The following NELL1 variants were observed in gnomAD, a reference collection of about 807,000 sequenced individuals.
The protein encoded by NELL1 is protein kinase C-binding protein NELL1.
Under a neutral mutation model 107.4 loss-of-function variants are expected in NELL1, and 76 were observed. That is an observed-to-expected ratio of 0.71 (90% CI 0.59 to 0.86). The LOEUF (loss-of-function observed/expected upper bound fraction) is 0.86. Among genes scored for constraint, NELL1 ranks in the 40% least tolerant of loss-of-function variants. The pLI is 0.00. For synonymous variants in NELL1, 353 were observed against 341.2 expected (o/e 1.03, Z -0.38); for missense variants, 1,024 against 1,005.5 (o/e 1.02, Z -0.25).
chr11:20,734,632 G>A (rs1450754616), intron 2 of NELL1, among the ~76,000 whole-genome samples: 1 of 152,182 alleles, frequency 6.6e-6, no homozygotes, highest in Non-Finnish European at 1.5e-5. Context: ...GGGAGGTGCT[G>A]ATATCATTCA....
intron 16 of NELL1, among the ~76,000 whole-genome samples, chr11:21,545,458 G>C (rs1349250902): frequency 6.6e-6 from 1 of 151,930 alleles, no homozygotes; most frequent in Non-Finnish European, 1.5e-5. Context: ...GCTGGAACTT[G>C]AAGAGTAAGA....
Position 21,193,436 on chromosome 11 carries a change from T to C in NELL1, c.1427-35896T>C, listed in dbSNP as rs542556390. On this transcript the variant is annotated intron_variant, in intron 13 of 19. Transcript: ENST00000357134. ...GACCATGCAGAGATAACAGCATATA[T>C]ATAAGGCATTTTGTCACTGGCATCT... Among the ~76,000 whole-genome samples, 9 of 151,946 alleles carry C rather than the reference T, an allele frequency of 5.9e-5. No homozygotes were observed. In the East Asian group the frequency reaches 1.7e-3, roughly 29 times the overall value.
intron 15 of NELL1, among the ~76,000 whole-genome samples, chr11:21,500,513 T>C: frequency 6.6e-6 from 1 of 152,134 alleles, no homozygotes; most frequent in East Asian, 1.9e-4. Flanking sequence ...ACTTTAATAT[T>C]TTATTTCACC....
intron 14 of NELL1, among the ~76,000 whole-genome samples, chr11:21,336,670 T>TACACAC (rs374935775): frequency 7.3e-4 from 70 of 95,858 alleles, no homozygotes; most frequent in African/African-American, 1.8e-3. Flanking sequence ...TATATATATA[T>TACACAC]ATATACACAC....
intron 12 of NELL1, among the ~76,000 whole-genome samples, chr11:21,041,328 A>G (rs1376236003): frequency 2.0e-5 from 3 of 152,214 alleles, no homozygotes; most frequent in Non-Finnish European, 4.4e-5. Context: ...TAATAAAAAT[A>G]GTTAATATAA....
At chr11:21,116,032 C>T (rs1855227852) in intron 13 of NELL1, among the ~76,000 whole-genome samples, 1 of 151,896 alleles carries the variant, frequency 6.6e-6, no homozygotes, top group African/African-American at 2.4e-5. Flanking sequence ...ATTGTCCTCA[C>T]CTTACATTTA....
At chr11:21,363,214 C>G (rs917828866) in intron 14 of NELL1, among the ~76,000 whole-genome samples, 7 of 152,136 alleles carry the variant, frequency 4.6e-5, no homozygotes, top group African/African-American at 1.7e-4. Flanking sequence ...CCCGAGGTCC[C>G]CTGTGAGATA....
intron 2 of NELL1, among the ~76,000 whole-genome samples, chr11:20,762,718 T>C (rs1272098116): frequency 6.6e-6 from 1 of 152,188 alleles, no homozygotes; most frequent in Non-Finnish European, 1.5e-5. Context: ...TTGACAGGCA[T>C]CTTTGCATTT....
chr11:20,695,555 G>A (rs1468515454), intron 2 of NELL1, among the ~76,000 whole-genome samples: 1 of 151,808 alleles, frequency 6.6e-6, no homozygotes, highest in Non-Finnish European at 1.5e-5. Flanking sequence ...ATGATCATAT[G>A]GTTTCTGTTT....
chr11:21,220,506 C>G (rs1009905441), intron 13 of NELL1, among the ~76,000 whole-genome samples: 1 of 152,120 alleles, frequency 6.6e-6, no homozygotes, highest in Non-Finnish European at 1.5e-5. Context: ...AATTCATGAA[C>G]ATGGAATAGT....
intron 15 of NELL1, among the ~76,000 whole-genome samples, chr11:21,477,347 G>C (rs1261459422): frequency 6.6e-6 from 1 of 152,120 alleles, no homozygotes; most frequent in Non-Finnish European, 1.5e-5. Context: ...GAGAGAGAGA[G>C]ACTCAATTTA....
chr11:20,767,654 C>T (rs892100114), intron 2 of NELL1, among the ~76,000 whole-genome samples: 1 of 152,228 alleles, frequency 6.6e-6, no homozygotes, highest in African/African-American at 2.4e-5. Flanking sequence ...AAGAGTATGA[C>T]AGACACCCTG....
chr11:21,398,914 A>G (rs1852037580), intron 15 of NELL1, among the ~76,000 whole-genome samples: 1 of 151,914 alleles, frequency 6.6e-6, no homozygotes, highest in South Asian at 2.1e-4. Context: ...TTTTCATAGA[A>G]CTAATTGAAA....
In NELL1 at chr11:21,280,765, TTAAA is replaced by T. The variant is rs1427123603; in HGVS notation, c.1549+51315_1549+51318del. On this transcript the variant is annotated intron_variant, in intron 14 of 19. Transcript: ENST00000357134. ...TAATGTTTATTTAAGTTTAATAAAC[TTAAA>T]TAACAATTTAAGTTCCAATTAAGTA... Among the ~76,000 whole-genome samples, 4 of 152,170 alleles carry T rather than the reference TTAAA, an allele frequency of 2.6e-5. No homozygotes were observed. The East Asian group carries it at 7.7e-4, about 29-fold the overall frequency.
intron 15 of NELL1, among the ~76,000 whole-genome samples, chr11:21,436,543 A>G (rs1447559758): frequency 6.6e-6 from 1 of 151,618 alleles, no homozygotes. Context: ...TTTTTTTCTT[A>G]GCTTAACTAA....
intron 13 of NELL1, among the ~76,000 whole-genome samples, chr11:21,125,836 A>C (rs561666475): frequency 6.6e-6 from 1 of 152,304 alleles, no homozygotes; most frequent in Admixed American, 6.5e-5. Context: ...CTGTGTAGAA[A>C]TGGAAAGAAC....
intron 13 of NELL1, among the ~76,000 whole-genome samples, chr11:21,226,804 G>A (rs1414707264): frequency 6.6e-6 from 1 of 152,170 alleles, no homozygotes; most frequent in African/African-American, 2.4e-5. Context: ...TAGAGAAAAA[G>A]TGTGTAAGCC....
At chr11:20,844,520 C>T (rs1341392966) in intron 3 of NELL1, among the ~76,000 whole-genome samples, 2 of 152,068 alleles carry the variant, frequency 1.3e-5, no homozygotes, top group African/African-American at 2.4e-5. Context: ...TGAAAAGACC[C>T]CAATACACCT....
intron 14 of NELL1, among the ~76,000 whole-genome samples, chr11:21,322,492 T>C (rs1243563870): frequency 3.3e-5 from 5 of 152,076 alleles, no homozygotes; most frequent in African/African-American, 1.2e-4. Context: ...TAATAAAAAA[T>C]AAATTTTACA....
Sources: gnomAD v4.1 joint callset for allele counts (sites outside exome capture counted in the v4.1 genomes callset) on GRCh38, gnomAD v4.1.1 for gene constraint, MANE v1.5 for transcripts, NCBI Gene and HGNC (gene_info 2026-07-23, HGNC 2026-07-21) for gene names.